Variants in CPNE4 observed in about 807,000 individuals in gnomAD.
CPNE4 encodes the protein copine-4.
CPNE4 carries 25 observed loss-of-function variants against 67.9 expected under a neutral mutation model. That is an observed-to-expected ratio of 0.37 (90% confidence interval 0.27 to 0.51). CPNE4 has a LOEUF of 0.51. Among genes scored for constraint, CPNE4 ranks in the 20% least tolerant of loss-of-function variants. The pLI is 0.93. For synonymous variants in CPNE4, 242 were observed against 244.9 expected (o/e 0.99, Z 0.11); for missense variants, 464 against 690.8 (o/e 0.67, Z 3.68).
At chr3:131,696,514 T>C in intron 5 of CPNE4, 28 bp downstream of exon 5, 1 of 1,601,712 alleles carries the variant, frequency 6.2e-7, no homozygotes, top group Non-Finnish European at 8.6e-7. Flanking sequence ...GTTACTTCCT[T>C]CAATAAGGTT....
chr3:131,838,592 C>T (rs1181414005), intron 2 of CPNE4, among the ~76,000 whole-genome samples: 3 of 138,602 alleles, frequency 2.2e-5, no homozygotes, highest in African/African-American at 7.8e-5. Context: ...TGTTGATGAA[C>T]ATTAAAGTAT....
At chr3:131,844,162 T>C (rs1275685933) in intron 2 of CPNE4, among the ~76,000 whole-genome samples, 1 of 152,198 alleles carries the variant, frequency 6.6e-6, no homozygotes, top group African/African-American at 2.4e-5. Context: ...CATACACAAA[T>C]GTCTGCTCAC....
intron 2 of CPNE4, among the ~76,000 whole-genome samples, chr3:131,796,962 T>C (rs1479544763): frequency 1.3e-5 from 2 of 152,240 alleles, no homozygotes; most frequent in East Asian, 3.8e-4. Context: ...GTTCTCTCTT[T>C]CTTTGGAAAG....
At chr3:131,634,723 C>CAAT (rs2079329855) in intron 7 of CPNE4, among the ~76,000 whole-genome samples, 1 of 152,060 alleles carries the variant, frequency 6.6e-6, no homozygotes, top group Non-Finnish European at 1.5e-5. Flanking sequence ...AAGCAATGTT[C>CAAT]TTTCAGAATT....
intron 2 of CPNE4, among the ~76,000 whole-genome samples, chr3:131,884,505 A>G (rs2107726226): frequency 6.6e-6 from 1 of 152,284 alleles, no homozygotes; most frequent in South Asian, 2.1e-4. Context: ...GAGGACTCAT[A>G]GTGTGACCAC....
At chr3:131,754,469 C>T (rs536761512) in intron 2 of CPNE4, among the ~76,000 whole-genome samples, 105 of 151,858 alleles carry the variant, frequency 6.9e-4, no homozygotes, top group African/African-American at 2.4e-3. Flanking sequence ...ACCATGTATT[C>T]GAAAAACATT....
intron 2 of CPNE4, among the ~76,000 whole-genome samples, chr3:131,889,401 C>A (rs1222047217): frequency 6.6e-6 from 1 of 152,192 alleles, no homozygotes; most frequent in Non-Finnish European, 1.5e-5. Context: ...ACACAGTTAA[C>A]CTGTGGTGAA....
At chr3:131,683,689 T>A (rs2080813295) in intron 6 of CPNE4, among the ~76,000 whole-genome samples, 1 of 152,106 alleles carries the variant, frequency 6.6e-6, no homozygotes, top group African/African-American at 2.4e-5. Context: ...TATACCCTCA[T>A]AGCCCACTGG....
Position 131,691,624 on chromosome 3 carries a change from T to G in CPNE4, c.507+4918A>C, listed in dbSNP as rs915763769. 1.1e-4 allele frequency among the ~76,000 whole-genome samples: 16 copies of G among 152,214 alleles called. 1 individual carries two copies. Among genetic ancestry groups the G allele is most frequent in the Admixed American group, 6.6e-4 (10 of 15,264 alleles). On this transcript the variant is annotated intron_variant, in intron 5 of 15. Coordinates refer to ENST00000429747, the MANE Select transcript of CPNE4 (RefSeq NM_130808.3). ...TTACTACATGGGTAATGAGATCAAT[T>G]GTACTCCAAACCTCAGTGTCATGCA...
chr3:131,701,224 C>T (rs1303816938), intron 3 of CPNE4, among the ~76,000 whole-genome samples: 3 of 151,750 alleles, frequency 2.0e-5, no homozygotes, highest in South Asian at 2.1e-4. Flanking sequence ...GCACATGTAC[C>T]CTAGAACTTA....
chr3:131,923,478 G>A (rs1192108493), intron 1 of CPNE4, among the ~76,000 whole-genome samples: 1 of 152,042 alleles, frequency 6.6e-6, no homozygotes, highest in Non-Finnish European at 1.5e-5. Flanking sequence ...GCCAAGGTGG[G>A]TGGGTCACTT....
chr3:131,656,212 G>GA (rs538320257), intron 7 of CPNE4, among the ~76,000 whole-genome samples: 48 of 151,318 alleles, frequency 3.2e-4, no homozygotes, highest in African/African-American at 8.2e-4. Flanking sequence ...TAAATTTAAG[G>GA]AAAAAAAATG....
At chr3:131,850,987 G>A (rs571948138) in intron 2 of CPNE4, among the ~76,000 whole-genome samples, 11 of 152,066 alleles carry the variant, frequency 7.2e-5, no homozygotes, top group South Asian at 6.2e-4. Context: ...CACTTCTCCC[G>A]CACTTGTGTA....
chr3:131,658,806 A>T (rs2080046957), intron 7 of CPNE4, among the ~76,000 whole-genome samples: 1 of 152,194 alleles, frequency 6.6e-6, no homozygotes, highest in Non-Finnish European at 1.5e-5. Context: ...AGGTCTCTTC[A>T]TGTTTTATTT....
chr3:131,736,926 T>A (rs1219963280), intron 2 of CPNE4, among the ~76,000 whole-genome samples: 1 of 152,118 alleles, frequency 6.6e-6, no homozygotes, highest in Non-Finnish European at 1.5e-5. Context: ...TCTCAACAGA[T>A]CTTCAATTCA....
chr3:131,793,118 A>C (rs2083823723), intron 2 of CPNE4, among the ~76,000 whole-genome samples: 1 of 151,982 alleles, frequency 6.6e-6, no homozygotes, highest in African/African-American at 2.4e-5. Context: ...TCAGCAAATA[A>C]ACATTTTAGG....
intron 2 of CPNE4, among the ~76,000 whole-genome samples, chr3:131,768,432 G>A (rs1015027530): frequency 6.6e-6 from 1 of 152,116 alleles, no homozygotes; most frequent in African/African-American, 2.4e-5. Flanking sequence ...CCTCCTTTGT[G>A]TAAATGCCCT....
intron 1 of CPNE4, among the ~76,000 whole-genome samples, chr3:131,948,458 C>G (rs1376140156): frequency 6.6e-6 from 1 of 152,160 alleles, no homozygotes; most frequent in Non-Finnish European, 1.5e-5. Context: ...AAAACTCATT[C>G]CTTTATAAAC....
At chr3:131,982,147 A>G (rs2072924171) in intron 1 of CPNE4, among the ~76,000 whole-genome samples, 1 of 152,172 alleles carries the variant, frequency 6.6e-6, no homozygotes, top group Admixed American at 6.5e-5. Flanking sequence ...CTGTATGATC[A>G]CTGAAAGCTC....
Sources: gnomAD v4.1 joint callset for allele counts (sites outside exome capture counted in the v4.1 genomes callset) on GRCh38, gnomAD v4.1.1 for gene constraint, MANE v1.5 for transcripts, NCBI Gene and HGNC (gene_info 2026-07-23, HGNC 2026-07-21) for gene names.